FXR1: variants seen among roughly 807,000 people sequenced by gnomAD.
FXR1 encodes RNA-binding protein FXR1.
FXR1 carries 15 observed loss-of-function variants against 84.0 expected under a neutral mutation model. That is an observed-to-expected ratio of 0.18 (90% CI 0.12 to 0.27). The LOEUF (loss-of-function observed/expected upper bound fraction) is 0.27, where lower values mean the gene tolerates loss of function less well. Among genes scored for constraint, FXR1 ranks in the 10% least tolerant of loss-of-function variants. The pLI is 1.00. For synonymous variants in FXR1, 245 were observed against 250.7 expected (o/e 0.98, Z 0.21); for missense variants, 480 against 774.4 (o/e 0.62, Z 4.51).
intron 8 of FXR1, among the ~76,000 whole-genome samples, chr3:180,953,080 C>T (rs1197196204): frequency 2.6e-5 from 4 of 152,020 alleles, no homozygotes; most frequent in African/African-American, 7.2e-5. Flanking sequence ...TGGCCTTAAA[C>T]GATCCTCCTA....
chr3:180,975,825 T>C (rs1714173863), intron 16 of FXR1, among the ~76,000 whole-genome samples: 1 of 152,204 alleles, frequency 6.6e-6, no homozygotes. Context: ...ATTAACTGTT[T>C]ATGTCATTTT....
At chr3:180,966,689 GA>G (rs1366820084) in intron 13 of FXR1, among the ~76,000 whole-genome samples, 2 of 152,108 alleles carry the variant, frequency 1.3e-5, no homozygotes, top group Non-Finnish European at 2.9e-5. Context: ...TCCACAGGGG[GA>G]AAAAATAACA....
intron 10 of FXR1, among the ~76,000 whole-genome samples, chr3:180,959,321 A>G (rs894834824): frequency 1.3e-5 from 2 of 150,582 alleles, no homozygotes; most frequent in Admixed American, 1.3e-4. Context: ...TTAATGCTGT[A>G]CAATGAGTTT....
chr3:180,946,103 A>C (rs1236706759), intron 3 of FXR1, among the ~76,000 whole-genome samples: 4 of 152,210 alleles, frequency 2.6e-5, no homozygotes, highest in African/African-American at 7.2e-5. Context: ...GAGTGAAAAA[A>C]ATTCATAATT....
At chr3:180,921,027 ATGAATGCTGAATGCTTGCCT>A (rs1349116272) in intron 1 of FXR1, among the ~76,000 whole-genome samples, 1 of 152,126 alleles carries the variant, frequency 6.6e-6, no homozygotes, top group African/African-American at 2.4e-5. Flanking sequence ...CTCAATACTA[ATGAATGCTGAATGCTTGCCT>A]TGAATAATTT....
rs147171380 is a variant in FXR1, at chr3:180,976,144, A to G, written c.1718A>G (p.His573Arg). 105 of 1,612,882 alleles carry G rather than the reference A, an allele frequency of 6.5e-5. No homozygotes were observed. The African/African-American group carries it at 1.2e-3, about 19-fold the overall frequency. ...KEMAKDVIEEHGPSEKAINGP... is the reference protein window; with the variant it reads ...KEMAKDVIEERGPSEKAINGP... The stretch of plus-strand genomic sequence containing the variant: ...CAGGCAAAAGATGTGATTGAAGAGC[A>G]TGGTCCTTCAGAAAAGGCAATAAAC... The change falls in exon 17 of 17, where the codon CAT (histidine) becomes CGT (arginine). Residue 573 changes from histidine (H) to arginine (R), a missense_variant. Around this residue, in one of 6 missense-constraint regions of FXR1, gnomAD observed 94 missense variants for 81.8 expected, o/e 1.15. Coordinates refer to ENST00000357559, the MANE Select transcript of FXR1 (RefSeq NM_005087.4).
intron 16 of FXR1, among the ~76,000 whole-genome samples, chr3:180,975,639 A>T (rs1202007664): frequency 6.6e-6 from 1 of 152,190 alleles, no homozygotes; most frequent in African/African-American, 2.4e-5. Flanking sequence ...CATTCTGCCC[A>T]AAGATACTGG....
intron 1 of FXR1, among the ~76,000 whole-genome samples, chr3:180,928,483 T>C (rs928603497): frequency 3.3e-5 from 5 of 151,130 alleles, no homozygotes; most frequent in South Asian, 4.2e-4. Flanking sequence ...TGGGATGCCA[T>C]TGAAATTATA....
At chr3:180,939,494 G>T (rs1001392650) in intron 3 of FXR1, among the ~76,000 whole-genome samples, 1 of 152,128 alleles carries the variant, frequency 6.6e-6, no homozygotes, top group African/African-American at 2.4e-5. Flanking sequence ...GATGCATGAG[G>T]CAAGGTCGGG....
chr3:180,935,273 A>G (rs768540083), intron 3 of FXR1, 42 bp downstream of exon 3: 9 of 840,780 alleles, frequency 1.1e-5, no homozygotes, highest in African/African-American at 1.0e-4. Context: ...TATTTTTTTG[A>G]TTTAAATAAA....
rs915544537 is a variant in FXR1 at position 180,977,605 on chromosome 3, T to G, written c.*1313T>G. 2.6e-5 allele frequency: 4 copies of G among 152,096 alleles called. No individual in the cohort carries two copies. The highest frequency in any genetic ancestry group is 9.7e-5 in the African/African-American group (4 of 41,450). The allele number at this position is 152,096 out of a possible 1,614,324, so 9.4% of individuals were successfully genotyped here. ...TTTTTATGAAGATAAAGACATGAAGTTTAACAATGGACAACAGTTAGTACA... is the reference window on the plus strand; with the variant it reads ...TTTTTATGAAGATAAAGACATGAAGGTTAACAATGGACAACAGTTAGTACA... On this transcript the variant is annotated 3_prime_UTR_variant, in exon 17 of 17. Coordinates refer to ENST00000357559, the MANE Select transcript of FXR1 (RefSeq NM_005087.4).
At position 180,928,668 on chromosome 3, in the gene FXR1, GGTT is replaced by G. The variant is rs953938213; in HGVS notation, c.52-4661_52-4659del. Among the ~76,000 whole-genome samples, 84 of 151,960 alleles carry G rather than the reference GGTT, an allele frequency of 5.5e-4. 1 individual carries two copies. The highest frequency in any genetic ancestry group is 1.9e-3 in the African/African-American group (79 of 41,448). ...AGGACACTTGTAGGATTTATTTTTTGGTTGTTGCTGTAAGTAGAATTTTTTTGT... is the reference window on the plus strand; with the variant it reads ...AGGACACTTGTAGGATTTATTTTTTGGTTGCTGTAAGTAGAATTTTTTTGT... On this transcript the variant is annotated intron_variant, in intron 1 of 16. Transcript: ENST00000357559.
At chr3:180,921,249 TC>T (rs1355795231) in intron 1 of FXR1, among the ~76,000 whole-genome samples, 6 of 151,934 alleles carry the variant, frequency 3.9e-5, no homozygotes, top group Non-Finnish European at 7.4e-5. Flanking sequence ...GTGCCTGTAA[TC>T]CCAGCTATTC....
intron 3 of FXR1, among the ~76,000 whole-genome samples, chr3:180,939,087 G>A (rs1720846437): frequency 6.6e-6 from 1 of 151,836 alleles, no homozygotes; most frequent in Non-Finnish European, 1.5e-5. Flanking sequence ...TAGAGATGGT[G>A]TTTTGTGATG....
In FXR1 at chr3:180,981,862, C is replaced by A. The variant is rs1424063791; in HGVS notation, c.*5570C>A. 1.3e-5 allele frequency: 2 copies of A among 152,014 alleles called. No individual in the cohort carries two copies. The highest frequency in any genetic ancestry group is 6.6e-5 in the Admixed American group (1 of 15,254). The allele number at this position is 152,014 out of a possible 1,614,324, so 9.4% of individuals were successfully genotyped here. A position where few individuals can be genotyped will look rare whatever the true frequency, so the allele number is the denominator to read the frequency against. On this transcript the variant is annotated 3_prime_UTR_variant, in exon 17 of 17. Coordinates refer to ENST00000357559, the MANE Select transcript of FXR1 (RefSeq NM_005087.4). ...CTCAGATTTACCTGGCTTCTGTTTACCTGGCTTCTGCAGAAGTTTAACTTG... is the reference window on the plus strand; with the variant it reads ...CTCAGATTTACCTGGCTTCTGTTTAACTGGCTTCTGCAGAAGTTTAACTTG...
chr3:180,951,551 C>T, intron 8 of FXR1, 83 bp downstream of exon 8: 1 of 999,228 alleles, frequency 1.0e-6, no homozygotes, highest in Non-Finnish European at 1.5e-6. Context: ...ATTCCAGTTT[C>T]CCATGAAACA....
At chr3:180,955,044 A>G (rs1722612731) in intron 9 of FXR1, among the ~76,000 whole-genome samples, 1 of 144,732 alleles carries the variant, frequency 6.9e-6, no homozygotes, top group South Asian at 2.2e-4. Flanking sequence ...GCTGGAGTGC[A>G]GTTGCAGCGA....
intron 3 of FXR1, among the ~76,000 whole-genome samples, chr3:180,947,338 C>T (rs762093320): frequency 9.2e-5 from 14 of 152,176 alleles, no homozygotes; most frequent in Non-Finnish European, 1.9e-4. Flanking sequence ...TGAGCCACTG[C>T]GTCCGGCCTG....
At chr3:180,948,026 T>A in intron 4 of FXR1, 90 bp downstream of exon 4, 1 of 745,606 alleles carries the variant, frequency 1.3e-6, no homozygotes. Context: ...ACTGTTAGTT[T>A]TATTTCTAAA....
Sources: allele counts gnomAD v4.1 joint callset (sites outside exome capture counted in the v4.1 genomes callset), GRCh38; gene constraint gnomAD v4.1.1; regional missense constraint gnomAD v4.1.1; transcripts MANE v1.5; gene names NCBI Gene and HGNC (gene_info 2026-07-23, HGNC 2026-07-21).